The following MIA2 variants were observed in gnomAD, a reference collection of about 807,000 sequenced individuals.
MIA2 encodes the protein MIA SH3 domain ER export factor 2.
Under a neutral mutation model 167.8 loss-of-function variants are expected in MIA2, and 127 were observed. The observed-to-expected ratio is 0.76, with a 90% CI of 0.66 to 0.88. The LOEUF (loss-of-function observed/expected upper bound fraction) is 0.88. Ranked by LOEUF, MIA2 falls within the 40% of genes least tolerant of loss-of-function variation. The pLI is 0.00. For synonymous variants in MIA2, 552 were observed against 541.9 expected (o/e 1.02, Z -0.26); for missense variants, 1,690 against 1,624.7 (o/e 1.04, Z -0.69).
intron 9 of MIA2, among the ~76,000 whole-genome samples, chr14:39,282,004 A>G (rs1279128316): frequency 6.6e-6 from 1 of 151,834 alleles, no homozygotes; most frequent in Non-Finnish European, 1.5e-5. Context: ...ATGCTTTCTT[A>G]TTTTAATGAC....
chr14:39,283,084 T>C (rs778910316), intron 9 of MIA2, among the ~76,000 whole-genome samples: 1 of 152,260 alleles, frequency 6.6e-6, no homozygotes, highest in Non-Finnish European at 1.5e-5. Flanking sequence ...CACCTTTTTA[T>C]GGCTGAGTAA....
At chr14:39,303,581 C>T in intron 16 of MIA2, 57 bp downstream of exon 16, 1 of 1,210,484 alleles carries the variant, frequency 8.3e-7, no homozygotes. Flanking sequence ...ACGTGGATTA[C>T]TCATGTCCCA....
At chr14:39,346,880 A>T (rs1187278480) in intron 26 of MIA2, 2 of 325,486 alleles carry the variant, frequency 6.1e-6, no homozygotes, top group Non-Finnish European at 1.2e-5. Flanking sequence ...TGCTGGGATT[A>T]CAAGCATGAG....
intron 22 of MIA2, among the ~76,000 whole-genome samples, 164 bp from the exon 23 acceptor site, chr14:39,319,045 G>A (rs991286266): frequency 3.9e-5 from 6 of 152,142 alleles, no homozygotes; most frequent in African/African-American, 1.4e-4. Context: ...TAGTTAATAA[G>A]CAGTGGGAGA....
At chr14:39,353,551 T>C (rs968371467), downstream of MIA2, among the ~76,000 whole-genome samples, 2 of 152,322 alleles carry the variant, frequency 1.3e-5, no homozygotes, top group African/African-American at 4.8e-5. Context: ...ATAGTATTCC[T>C]TTGTGTATAT....
At chr14:39,351,685 G>A (rs983780514), downstream of MIA2, among the ~76,000 whole-genome samples, 1 of 152,056 alleles carries the variant, frequency 6.6e-6, no homozygotes, top group African/African-American at 2.4e-5. Context: ...CAGCAAGAAG[G>A]TTCCATCTCT....
At chr14:39,279,595 C>A in intron 9 of MIA2, 58 bp downstream of exon 9, 1 of 1,070,936 alleles carries the variant, frequency 9.3e-7, no homozygotes, top group Non-Finnish European at 1.4e-6. Flanking sequence ...ATACTTCTCA[C>A]TGTAGGTACT....
intron 23 of MIA2, among the ~76,000 whole-genome samples, chr14:39,384,240 C>T (rs1034020276): frequency 6.6e-6 from 1 of 152,174 alleles, no homozygotes; most frequent in Admixed American, 6.5e-5. Context: ...GTTAAATCTG[C>T]TCTGCCTGTG....
intron 7 of MIA2, 50 bp from the exon 8 acceptor site, chr14:39,279,287 C>T (rs768440019): frequency 2.0e-6 from 3 of 1,513,944 alleles, no homozygotes; most frequent in South Asian, 2.4e-5. Context: ...AATTGATTTA[C>T]TTGAGAGCGT....
chr14:39,266,980 G>C (rs1052083232), intron 6 of MIA2: 12 of 759,010 alleles, frequency 1.6e-5, no homozygotes, highest in Middle Eastern at 1.3e-3. Flanking sequence ...GGAGTATGAG[G>C]CCGAATCTCA....
In MIA2 at chr14:39,309,760, C is replaced by T. The variant is rs143340638; in HGVS notation, c.3017+1173C>T. Among the ~76,000 whole-genome samples, 7 of 152,262 alleles carry T rather than the reference C, an allele frequency of 4.6e-5. No individual in the cohort carries two copies. In the East Asian group the frequency reaches 1.4e-3, roughly 29 times the overall value. ...TCTGTATTCCCAGTGCCTAAAGCTA[C>T]ATGAGACGTGTGGTAACTGTTCAGT... On this transcript the variant is annotated intron_variant, in intron 18 of 28. Coordinates refer to ENST00000640607, the MANE Select transcript of MIA2 (RefSeq NM_001329214.4).
intron 24 of MIA2, among the ~76,000 whole-genome samples, chr14:39,323,396 A>AT (rs2066852017): frequency 6.6e-6 from 1 of 152,100 alleles, no homozygotes; most frequent in Non-Finnish European, 1.5e-5. Context: ...AAAGAGACTG[A>AT]TTTTGACATT....
chr14:39,345,005 C>G (rs752036572), intron 25 of MIA2, among the ~76,000 whole-genome samples: 6 of 152,122 alleles, frequency 3.9e-5, no homozygotes, highest in Admixed American at 3.3e-4. Flanking sequence ...AGATGTTCTT[C>G]GTTTCAGCAG....
At chr14:39,244,870 C>G (rs2054219186) in intron 3 of MIA2, among the ~76,000 whole-genome samples, 2 of 151,984 alleles carry the variant, frequency 1.3e-5, no homozygotes, top group Non-Finnish European at 1.5e-5. Flanking sequence ...CTCAACCTCC[C>G]AGGCTCAAGT....
intron 16 of MIA2, 70 bp from the exon 17 acceptor site, chr14:39,304,221 T>G: frequency 1.7e-6 from 1 of 578,034 alleles, no homozygotes; most frequent in Non-Finnish European, 2.7e-6. Context: ...ATACTGAGGT[T>G]TTATTTTTTA....
chr14:39,323,527 A>G (rs1463664545), intron 24 of MIA2, among the ~76,000 whole-genome samples: 1 of 151,362 alleles, frequency 6.6e-6, no homozygotes, highest in Non-Finnish European at 1.5e-5. Context: ...ACTAACATAA[A>G]CATGATTGAA....
intron 28 of MIA2, among the ~76,000 whole-genome samples, chr14:39,349,803 A>C (rs1237109858): frequency 6.6e-6 from 1 of 152,226 alleles, no homozygotes; most frequent in African/African-American, 2.4e-5. Context: ...TAATGAAAGA[A>C]AAAAGTGATT....
At chr14:39,298,429 A>AC (rs1349329214) in intron 13 of MIA2, among the ~76,000 whole-genome samples, 1 of 22,074 alleles carries the variant, frequency 4.5e-5, no homozygotes. Context: ...ATATATATAT[A>AC]TATATATATA....
chr14:39,291,597 T>G (rs2060746729), intron 10 of MIA2, among the ~76,000 whole-genome samples: 1 of 152,226 alleles, frequency 6.6e-6, no homozygotes, highest in South Asian at 2.1e-4. Flanking sequence ...GGTAAATGTT[T>G]GACAACTTTT....
Sources: allele counts gnomAD v4.1 joint callset (sites outside exome capture counted in the v4.1 genomes callset), GRCh38; gene constraint gnomAD v4.1.1; transcripts MANE v1.5; gene names NCBI Gene and HGNC (gene_info 2026-07-23, HGNC 2026-07-21).